Variants in NRP2 observed in about 807,000 individuals in gnomAD.
NRP2 encodes neuropilin-2.
Under a neutral mutation model 110.4 loss-of-function variants are expected in NRP2, and 52 were observed. The observed-to-expected ratio is 0.47, with a 90% CI of 0.38 to 0.59. The LOEUF is 0.59. Ranked by LOEUF, NRP2 falls within the 20% of genes least tolerant of loss-of-function variation. The pLI is 0.00. For missense variants in NRP2, 1,049 were observed against 1,203.0 expected, an observed-to-expected ratio of 0.87 and a Z score of 1.89; for synonymous variants, 508 against 468.9, an observed-to-expected ratio of 1.08 and a Z score of -1.08.
intron 1 of NRP2, among the ~76,000 whole-genome samples, chr2:205,692,097 C>T (rs961066252): frequency 3.3e-5 from 5 of 152,196 alleles, no homozygotes; most frequent in Non-Finnish European, 7.3e-5. Flanking sequence ...TCCTCTCCTG[C>T]TCTCTGCTTC....
intron 3 of NRP2, among the ~76,000 whole-genome samples, chr2:205,720,198 G>A (rs1304925771): frequency 9.3e-5 from 14 of 150,924 alleles, no homozygotes; most frequent in East Asian, 3.9e-4. Context: ...TTTTTCCACC[G>A]CCTTCAAAAT....
chr2:205,777,167 G>T, intron 15 of NRP2: 1 of 986,006 alleles, frequency 1.0e-6, no homozygotes, highest in Non-Finnish European at 1.2e-6. Flanking sequence ...GCTCTGGCTG[G>T]GTTTCTGTTG....
At chr2:205,710,526 T>C (rs755844677) in intron 2 of NRP2, among the ~76,000 whole-genome samples, 8 of 152,166 alleles carry the variant, frequency 5.3e-5, no homozygotes, top group Non-Finnish European at 7.3e-5. Flanking sequence ...AAGGCAGAAA[T>C]TCAAGGAAAT....
At chr2:205,740,759 C>G in intron 8 of NRP2, 96 bp downstream of exon 8, 1 of 1,428,192 alleles carries the variant, frequency 7.0e-7, no homozygotes, top group Non-Finnish European at 9.7e-7. Context: ...CACCACATGA[C>G]CTTCCCAGAA....
intron 15 of NRP2, among the ~76,000 whole-genome samples, chr2:205,774,693 CATT>C (rs71032501): frequency 0.023 from 3,472 of 152,224 alleles, 53 homozygotes; most frequent in Middle Eastern, 0.034. Flanking sequence ...TCTGAGAAGA[CATT>C]AGAAGGTCTG....
Position 205,682,624 on chromosome 2 carries a change from C to A in NRP2, c.-667C>A. Reference sequence around the variant, plus strand: ...ACTCGGAGAGGGGCTCGCTCACTCCCAGGCGATCCCAGCCGCCACCGCCGC... The same window carrying A: ...ACTCGGAGAGGGGCTCGCTCACTCCAAGGCGATCCCAGCCGCCACCGCCGC... On this transcript the variant is annotated 5_prime_UTR_variant, in exon 1 of 17. Coordinates refer to ENST00000357785, the MANE Select transcript of NRP2 (RefSeq NM_003872.3). The surrounding 1 kb of genome is among the most constrained non-coding windows in gnomAD (Gnocchi z 4.3). The A allele has an allele frequency of 6.0e-6, 1 of 165,814 alleles. No homozygotes were observed. Among genetic ancestry groups the A allele is most frequent in the South Asian group, 1.6e-4 (1 of 6,194 alleles). The allele number at this position is 165,814 out of a possible 1,614,324, so 10.3% of individuals were successfully genotyped here.
rs554540278 is a variant in NRP2, at chr2:205,738,750, G to A, written c.1147-1769G>A. Among the ~76,000 whole-genome samples the A allele has an allele frequency of 8.5e-5, 13 of 152,302 alleles. No homozygotes were observed. The South Asian group carries it at 1.4e-3, about 17-fold the overall frequency. ...CTCCCTGCTGTCAACCTTAGGACCCGGGTGGGAGGACTTCCCAGGGGAGGA... is the reference window on the plus strand; with the variant it reads ...CTCCCTGCTGTCAACCTTAGGACCCAGGTGGGAGGACTTCCCAGGGGAGGA... On this transcript the variant is annotated intron_variant, in intron 7 of 16. Coordinates refer to ENST00000357785, the MANE Select transcript of NRP2 (RefSeq NM_003872.3).
At chr2:205,734,245 C>G (rs2057299038) in intron 7 of NRP2, among the ~76,000 whole-genome samples, 1 of 151,956 alleles carries the variant, frequency 6.6e-6, no homozygotes, top group Non-Finnish European at 1.5e-5. Flanking sequence ...GCCTCTAACT[C>G]TATATCTGGC....
intron 15 of NRP2, chr2:205,778,941 G>A (rs2058141133): frequency 6.6e-6 from 1 of 152,118 alleles, no homozygotes; most frequent in Non-Finnish European, 1.5e-5. Context: ...TTTTCATAGT[G>A]TTATCCAGGT....
At chr2:205,699,647 A>G (rs2056510374) in intron 2 of NRP2, among the ~76,000 whole-genome samples, 1 of 152,196 alleles carries the variant, frequency 6.6e-6, no homozygotes, top group Admixed American at 6.5e-5. Flanking sequence ...AGAGATGGGG[A>G]GAACTGAAGG....
At chr2:205,691,852 A>G (rs1238811165) in intron 1 of NRP2, among the ~76,000 whole-genome samples, 1 of 152,204 alleles carries the variant, frequency 6.6e-6, no homozygotes, top group East Asian at 1.9e-4. Flanking sequence ...GATGACAAAT[A>G]ATAAGGTTAA....
chr2:205,709,028 A>C (rs1235695656), intron 2 of NRP2, among the ~76,000 whole-genome samples: 1 of 152,220 alleles, frequency 6.6e-6, no homozygotes, highest in African/African-American at 2.4e-5. Context: ...TGTGCCATAC[A>C]CTGTGCTGAC....
At chr2:205,739,682 CTTTT>C (rs3047659) in intron 7 of NRP2, among the ~76,000 whole-genome samples, 5 of 124,946 alleles carry the variant, frequency 4.0e-5, no homozygotes, top group East Asian at 2.3e-4. Flanking sequence ...GCTCTAGTTA[CTTTT>C]TTTTTTTTTT....
At chr2:205,738,516 T>A (rs849580) in intron 7 of NRP2, among the ~76,000 whole-genome samples, 149,970 of 152,338 alleles carry the variant, frequency 0.98, 73,862 homozygotes, top group Middle Eastern at 1. Context: ...GGAGCCCTTT[T>A]TCAGTACGAA....
In NRP2 at chr2:205,752,958, A is replaced by G. The variant is rs1192104321; in HGVS notation, c.2027A>G (p.Asn676Ser). The G allele has an allele frequency of 6.2e-7, 1 of 1,613,662 alleles. No homozygotes were observed. Among genetic ancestry groups the G allele is most frequent in the Non-Finnish European group, 8.5e-7 (1 of 1,179,992 alleles). Residue 676 changes from asparagine (N) to serine (S), a missense_variant, in exon 12 of 17, where the codon AAC (asparagine) becomes AGC (serine). Transcript: ENST00000357785. ...RTTWASSSSP[N>S]DRTFPDDRNF... ...ACCTGGGCCAGCAGCTCCAGCCCAAACGACCGGACGTTTCCAGGTAAGCCA... is the reference window on the plus strand; with the variant it reads ...ACCTGGGCCAGCAGCTCCAGCCCAAGCGACCGGACGTTTCCAGGTAAGCCA...
In NRP2 at chr2:205,726,098, CCA is replaced by C; in HGVS notation, c.990+17_990+18del. The C allele has an allele frequency of 6.2e-7, 1 of 1,613,788 alleles. No homozygotes were observed. The highest frequency in any genetic ancestry group is 8.5e-7 in the Non-Finnish European group (1 of 1,179,712). On this transcript the variant is annotated intron_variant, in intron 6 of 16. Coordinates refer to ENST00000357785, the MANE Select transcript of NRP2 (RefSeq NM_003872.3). Reference sequence around the variant, plus strand: ...GTATCTCCAGGTACTTGTGCAGATACCAGAGGATGTGAGAGTGTGTATGTATT... The same window carrying C: ...GTATCTCCAGGTACTTGTGCAGATACGAGGATGTGAGAGTGTGTATGTATT...
chr2:205,716,325 C>T lies in NRP2; in HGVS notation c.384C>T (p.Tyr128=), dbSNP rs35678298. 19,207 of 1,614,144 alleles carry T rather than the reference C, an allele frequency of 0.012. 158 individuals carry two copies. The highest frequency in any genetic ancestry group is 0.024 in the South Asian group (2,182 of 91,078). Residue 128 remains tyrosine (Y), a synonymous_variant, in exon 3 of 17, where the codon TAC becomes TAT. Transcript: ENST00000357785. ...SMLYIKFTSD[Y]ARQGAGFSLR... is the part of the protein sequence containing the mutation. Reference sequence around the variant, plus strand: ...TCTACATCAAGTTCACCTCCGACTACGCCCGGCAGGGGGCAGGCTTCTCTC... The same window carrying T: ...TCTACATCAAGTTCACCTCCGACTATGCCCGGCAGGGGGCAGGCTTCTCTC...
chr2:205,772,919 C>G (rs1430745728), intron 15 of NRP2, among the ~76,000 whole-genome samples: 1 of 152,224 alleles, frequency 6.6e-6, no homozygotes, highest in African/African-American at 2.4e-5. Flanking sequence ...CTGAAAATAA[C>G]TCTCCAGGGA....
At chr2:205,786,591 C>T (rs17387431) in intron 15 of NRP2, among the ~76,000 whole-genome samples, 7,682 of 152,260 alleles carry the variant, frequency 0.05, 265 homozygotes, top group Non-Finnish European at 0.074. Context: ...ACACCTGGTA[C>T]CTGTGAAAAT....
Sources: gnomAD v4.1 joint callset for allele counts (sites outside exome capture counted in the v4.1 genomes callset) on GRCh38, gnomAD v4.1.1 for gene constraint, Gnocchi (gnomAD v3.1) non-coding constraint, MANE v1.5 for transcripts, NCBI Gene and HGNC (gene_info 2026-07-23, HGNC 2026-07-21) for gene names.